Variants in MMRN1 observed in about 807,000 individuals in gnomAD.
The protein encoded by MMRN1 is multimerin-1.
In MMRN1, 94 loss-of-function variants were observed where a neutral mutation model predicts 100.7. The ratio of observed to expected loss-of-function variants is 0.93; its 90% CI spans 0.79 to 1.11. The LOEUF (loss-of-function observed/expected upper bound fraction) is 1.11, where lower values mean the gene tolerates loss of function less well. Among genes scored for constraint, MMRN1 ranks in the 50% least tolerant of loss-of-function variants. The pLI is 0.00. For missense variants in MMRN1, 1,606 were observed against 1,439.1 expected, an observed-to-expected ratio of 1.12 and a Z score of -1.88; for synonymous variants, 575 against 505.0, an observed-to-expected ratio of 1.14 and a Z score of -1.86.
chr4:89,931,557 C>A (rs1161721817), intron 5 of MMRN1, among the ~76,000 whole-genome samples: 1 of 151,972 alleles, frequency 6.6e-6, no homozygotes, highest in African/African-American at 2.4e-5. Context: ...ATTAAAAAAA[C>A]CTGAGACAGG....
chr4:89,914,857 G>A (rs1034154237), intron 3 of MMRN1, among the ~76,000 whole-genome samples: 4 of 151,412 alleles, frequency 2.6e-5, no homozygotes, highest in East Asian at 1.9e-4. Flanking sequence ...TGACACAAAG[G>A]GCAATGATTT....
upstream of MMRN1, among the ~76,000 whole-genome samples, chr4:89,890,686 A>T (rs1721036488): frequency 6.6e-6 from 1 of 152,138 alleles, no homozygotes; most frequent in Admixed American, 6.6e-5. Context: ...GATCAAAAGA[A>T]ATGCGTTTTG....
intron 1 of MMRN1, among the ~76,000 whole-genome samples, chr4:89,881,525 G>C (rs2110566563): frequency 6.6e-6 from 1 of 151,978 alleles, no homozygotes; most frequent in South Asian, 2.1e-4. Context: ...AGAATTATAT[G>C]CCTTTTCATT....
At chr4:89,884,733 A>T (rs893243381) in intron 1 of MMRN1, among the ~76,000 whole-genome samples, 1 of 152,096 alleles carries the variant, frequency 6.6e-6, no homozygotes, top group African/African-American at 2.4e-5. Context: ...AGTAGCTGGG[A>T]CTACAGGAGT....
At chr4:89,907,466 TA>T (rs1721603412) in intron 1 of MMRN1, among the ~76,000 whole-genome samples, 6 of 151,566 alleles carry the variant, frequency 4.0e-5, no homozygotes, top group African/African-American at 1.5e-4. Context: ...AGTGAGGTTT[TA>T]CTTTGTGTTT....
At chr4:89,922,350 C>A (rs1409689876) in intron 3 of MMRN1, among the ~76,000 whole-genome samples, 1 of 152,098 alleles carries the variant, frequency 6.6e-6, no homozygotes, top group Non-Finnish European at 1.5e-5. Context: ...AAGTGATCCA[C>A]CTGCCTCAGC....
intron 6 of MMRN1, among the ~76,000 whole-genome samples, chr4:89,947,914 G>A (rs958774528): frequency 1.3e-5 from 2 of 152,034 alleles, no homozygotes; most frequent in African/African-American, 2.4e-5. Context: ...GTGCAGTGGC[G>A]TGACCCTGGC....
At chr4:89,934,538 G>A (rs1000083900) in intron 5 of MMRN1, among the ~76,000 whole-genome samples, 3 of 152,184 alleles carry the variant, frequency 2.0e-5, no homozygotes, top group African/African-American at 4.8e-5. Context: ...TAGTAGTTCC[G>A]TCATGTCTTT....
chr4:89,889,972 G>A (rs1382001752), upstream of MMRN1, among the ~76,000 whole-genome samples: 1 of 152,088 alleles, frequency 6.6e-6, no homozygotes, highest in African/African-American at 2.4e-5. Context: ...TTCCTCCAAA[G>A]TCACTCAGTG....
rs185390577 is a variant in MMRN1, at chr4:89,905,394, A to G, written c.624-3882A>G. On this transcript the variant is annotated intron_variant, in intron 1 of 7. Coordinates refer to ENST00000264790, the MANE Select transcript of MMRN1 (RefSeq NM_007351.3). Reference sequence around the variant, plus strand: ...GGATCAATATTTTTCTCTCTAAATTAAGTCCCACCAGAGACTTAGTTCTTC... The same window carrying G: ...GGATCAATATTTTTCTCTCTAAATTGAGTCCCACCAGAGACTTAGTTCTTC... Among the ~76,000 whole-genome samples the G allele has an allele frequency of 4.6e-5, 7 of 151,602 alleles. No homozygotes were observed. The East Asian group carries it at 1.4e-3, about 29-fold the overall frequency.
Position 89,894,935 on chromosome 4 carries a change from A to G in MMRN1, c.-37A>G. ...AAAAGGCCATAAGGATTTTGTCCCCAAATTTCACATGAGCTACCTTGCTTC... is the reference window on the plus strand; with the variant it reads ...AAAAGGCCATAAGGATTTTGTCCCCGAATTTCACATGAGCTACCTTGCTTC... On this transcript the variant is annotated 5_prime_UTR_variant, in exon 1 of 8. Transcript: ENST00000264790. 6.4e-7 allele frequency: 1 copy of G among 1,567,436 alleles called. No individual in the cohort carries two copies. The highest frequency in any genetic ancestry group is 8.6e-7 in the Non-Finnish European group (1 of 1,158,554).
intron 1 of MMRN1, among the ~76,000 whole-genome samples, 163 bp from the exon 2 acceptor site, chr4:89,909,113 T>C (rs911788594): frequency 3.3e-5 from 5 of 151,620 alleles, no homozygotes; most frequent in Admixed American, 2.6e-4. Context: ...CAGTAATAAG[T>C]TATTTTCTCT....
intron 1 of MMRN1, among the ~76,000 whole-genome samples, chr4:89,897,012 T>C (rs1008593502): frequency 6.6e-6 from 1 of 152,140 alleles, no homozygotes; most frequent in Admixed American, 6.5e-5. Context: ...CTTTCTCACT[T>C]TGGGGGACAA....
chr4:89,925,359 G>A (rs1217586513), intron 4 of MMRN1, among the ~76,000 whole-genome samples: 10 of 137,864 alleles, frequency 7.3e-5, no homozygotes, highest in Admixed American at 6.1e-4. Context: ...TGTTGCCCAG[G>A]CTAGTCTTGA....
Position 89,894,958 on chromosome 4 carries a change from T to G in MMRN1, c.-14T>G. The stretch of plus-strand genomic sequence containing the variant: ...CCAAATTTCACATGAGCTACCTTGC[T>G]TCAAACTACTGAGATGAAGGGGGCA... On this transcript the variant is annotated 5_prime_UTR_variant, in exon 1 of 8. Coordinates refer to ENST00000264790, the MANE Select transcript of MMRN1 (RefSeq NM_007351.3). The G allele has an allele frequency of 6.3e-7, 1 of 1,592,572 alleles. No homozygotes were observed. The highest frequency in any genetic ancestry group is 1.1e-5 in the South Asian group (1 of 87,616).
Position 89,931,758 on chromosome 4 carries a change from A to G in MMRN1, c.1130-3052A>G, listed in dbSNP as rs538600315. ...GTGAGACTTATTCACTATCATGAGA[A>G]CAGCATGGGAAAAATCCCTCCCCAT... On this transcript the variant is annotated intron_variant, in intron 5 of 7. Transcript: ENST00000264790. Among the ~76,000 whole-genome samples, 465 of 152,280 alleles carry G rather than the reference A, an allele frequency of 3.1e-3. 1 individual carries two copies. The highest frequency in any genetic ancestry group is 4.8e-3 in the Non-Finnish European group (328 of 68,030).
chr4:89,939,738 A>G (rs1369291507), intron 6 of MMRN1, among the ~76,000 whole-genome samples: 1 of 152,074 alleles, frequency 6.6e-6, no homozygotes, highest in African/African-American at 2.4e-5. Context: ...TTCATGCATC[A>G]TATGTTCTTC....
intron 5 of MMRN1, among the ~76,000 whole-genome samples, chr4:89,928,912 G>A (rs1722348937): frequency 6.6e-6 from 1 of 152,054 alleles, no homozygotes. Flanking sequence ...GGGGGAAAGG[G>A]GTGTGTATTA....
At chr4:89,917,290 T>C (rs1721951219) in intron 3 of MMRN1, among the ~76,000 whole-genome samples, 1 of 151,860 alleles carries the variant, frequency 6.6e-6, no homozygotes, top group Non-Finnish European at 1.5e-5. Context: ...AAATAACATG[T>C]CACTATTTAT....
Sources: allele counts gnomAD v4.1 joint callset (sites outside exome capture counted in the v4.1 genomes callset), GRCh38; gene constraint gnomAD v4.1.1; transcripts MANE v1.5; gene names NCBI Gene and HGNC (gene_info 2026-07-23, HGNC 2026-07-21).